Variants in GSK3B observed in about 807,000 individuals in gnomAD.
GSK3B encodes glycogen synthase kinase-3 beta.
Under a neutral mutation model 56.4 loss-of-function variants are expected in GSK3B, and 15 were observed. The ratio of observed to expected loss-of-function variants is 0.27; its 90% CI spans 0.18 to 0.41. GSK3B has a LOEUF of 0.41. Ranked by LOEUF, GSK3B falls within the 10% of genes least tolerant of loss-of-function variation. The pLI, the probability that GSK3B is intolerant of heterozygous loss-of-function variation, is 1.00. For missense variants in GSK3B, 300 were observed against 513.4 expected (o/e 0.58, Z 4.02); for synonymous variants, 181 against 188.9 (o/e 0.96, Z 0.34).
intron 5 of GSK3B, among the ~76,000 whole-genome samples, chr3:119,914,596 T>A (rs947590970): frequency 6.6e-6 from 1 of 152,060 alleles, no homozygotes. Context: ...AAACACCAGG[T>A]AAGAGTTTTA....
intron 7 of GSK3B, among the ~76,000 whole-genome samples, chr3:119,879,912 G>A (rs1296266728): frequency 1.3e-5 from 2 of 152,174 alleles, no homozygotes; most frequent in Admixed American, 6.5e-5. Flanking sequence ...CTATTGTGAA[G>A]AGTGCTGCAA....
At chr3:119,874,833 T>C (rs1426495528) in intron 8 of GSK3B, among the ~76,000 whole-genome samples, 1 of 152,110 alleles carries the variant, frequency 6.6e-6, no homozygotes, top group Admixed American at 6.6e-5. Context: ...ATTCTCTTTG[T>C]TGTTTTTCTC....
chr3:119,947,194 C>A, intron 3 of GSK3B, 74 bp downstream of exon 3: 1 of 888,422 alleles, frequency 1.1e-6, no homozygotes. Flanking sequence ...TGTCTATGAG[C>A]GGTGGGGAGA....
At chr3:119,869,759 A>G (rs1237597025) in intron 8 of GSK3B, among the ~76,000 whole-genome samples, 1 of 152,244 alleles carries the variant, frequency 6.6e-6, no homozygotes, top group African/African-American at 2.4e-5. Context: ...ACATTATTTG[A>G]GGACCTATTG....
chr3:120,025,839 C>A (rs924339751), intron 1 of GSK3B, among the ~76,000 whole-genome samples: 2 of 152,182 alleles, frequency 1.3e-5, no homozygotes, highest in African/African-American at 4.8e-5. Flanking sequence ...TATGAAAAAA[C>A]AGGCCAAACT....
chr3:119,947,136 T>C, intron 3 of GSK3B, 132 bp downstream of exon 3: 2 of 630,758 alleles, frequency 3.2e-6, no homozygotes, highest in South Asian at 4.0e-5. Flanking sequence ...TTGGGCTGAG[T>C]ATTGCTGGGG....
At chr3:120,073,707 G>A (rs1398921760) in intron 1 of GSK3B, among the ~76,000 whole-genome samples, 2 of 152,178 alleles carry the variant, frequency 1.3e-5, no homozygotes, top group African/African-American at 2.4e-5. Context: ...ATACAGTGGA[G>A]CAATTAAGAG....
chr3:119,972,839 CATA>C (rs1056602020), intron 2 of GSK3B, among the ~76,000 whole-genome samples: 2 of 151,976 alleles, frequency 1.3e-5, no homozygotes, highest in Non-Finnish European at 2.9e-5. Context: ...TGTTTTGTAC[CATA>C]ATATTTTGTT....
intron 8 of GSK3B, chr3:119,866,568 G>A: frequency 6.5e-7 from 1 of 1,541,780 alleles, no homozygotes; most frequent in Non-Finnish European, 8.9e-7. Context: ...GAAATTTTGG[G>A]AAAAAAAAAT....
chr3:120,031,449 G>A (rs1033869300), intron 1 of GSK3B, among the ~76,000 whole-genome samples: 1 of 152,162 alleles, frequency 6.6e-6, no homozygotes, highest in African/African-American at 2.4e-5. Context: ...CGTGAAAGGC[G>A]ACTGAGGATA....
chr3:120,072,751 A>T (rs1262890372), intron 1 of GSK3B, among the ~76,000 whole-genome samples: 1 of 152,196 alleles, frequency 6.6e-6, no homozygotes, highest in African/African-American at 2.4e-5. Context: ...ACTAAGTACA[A>T]AGGATTTTCC....
At chr3:119,855,951 C>T (rs1365840142) in intron 9 of GSK3B, among the ~76,000 whole-genome samples, 1 of 152,184 alleles carries the variant, frequency 6.6e-6, no homozygotes, top group Non-Finnish European at 1.5e-5. Context: ...ACGTTGTGCA[C>T]ATGTACCCTA....
At chr3:120,005,735 T>C (rs963297170) in intron 1 of GSK3B, among the ~76,000 whole-genome samples, 2 of 152,144 alleles carry the variant, frequency 1.3e-5, no homozygotes, top group Admixed American at 6.5e-5. Flanking sequence ...CTGAGAGATT[T>C]TGTCACCACC....
intron 2 of GSK3B, among the ~76,000 whole-genome samples, chr3:120,000,006 A>G (rs1190762915): frequency 6.6e-6 from 1 of 152,210 alleles, no homozygotes; most frequent in Non-Finnish European, 1.5e-5. Flanking sequence ...TTCTAGTCTT[A>G]GTACACAGAA....
At chr3:120,087,795 C>A (rs895176315) in intron 1 of GSK3B, among the ~76,000 whole-genome samples, 1 of 152,100 alleles carries the variant, frequency 6.6e-6, no homozygotes, top group Non-Finnish European at 1.5e-5. Context: ...AAAATTGGAA[C>A]CTGCACATTG....
At chr3:119,984,871 G>C (rs2057500037) in intron 2 of GSK3B, among the ~76,000 whole-genome samples, 1 of 152,080 alleles carries the variant, frequency 6.6e-6, no homozygotes, top group Non-Finnish European at 1.5e-5. Flanking sequence ...CCAAAACCTG[G>C]CAGAGACACA....
intron 2 of GSK3B, among the ~76,000 whole-genome samples, chr3:119,991,965 TA>T (rs1202578330): frequency 1.3e-5 from 2 of 152,076 alleles, no homozygotes; most frequent in African/African-American, 4.8e-5. Context: ...CTGAAAGACA[TA>T]AAAGTAGATT....
At chr3:119,833,668 G>A (rs930653976) in intron 10 of GSK3B, among the ~76,000 whole-genome samples, 9 of 140,848 alleles carry the variant, frequency 6.4e-5, no homozygotes, top group African/African-American at 2.4e-4. Context: ...CACTTTATAA[G>A]TACACTTGGA....
chr3:120,068,716 A>C (rs1452339072), intron 1 of GSK3B, among the ~76,000 whole-genome samples: 1 of 151,692 alleles, frequency 6.6e-6, no homozygotes, highest in African/African-American at 2.4e-5. Flanking sequence ...TAAATAAATA[A>C]ATAAATAATA....
Sources: gnomAD v4.1 joint callset for allele counts (sites outside exome capture counted in the v4.1 genomes callset) on GRCh38, gnomAD v4.1.1 for gene constraint, MANE v1.5 for transcripts, NCBI Gene and HGNC (gene_info 2026-07-23, HGNC 2026-07-21) for gene names.